Variants in MYH13 observed in about 807,000 individuals in gnomAD.
MYH13 encodes the protein myosin-13.
In MYH13, 177 loss-of-function variants were observed where a neutral mutation model predicts 232.1. The ratio of observed to expected loss-of-function variants is 0.76; its 90% CI spans 0.67 to 0.86. The LOEUF is 0.86. Among genes scored for constraint, MYH13 ranks in the 40% least tolerant of loss-of-function variants. The pLI, the probability that MYH13 is intolerant of heterozygous loss-of-function variation, is 0.00. For synonymous variants in MYH13, 884 were observed against 923.5 expected, an observed-to-expected ratio of 0.96 and a Z score of 0.78; for missense variants, 2,246 against 2,405.9, an observed-to-expected ratio of 0.93 and a Z score of 1.39.
rs962928542 is a variant in MYH13, at chr17:10,340,578, G to A, written c.1895-177C>T. Among the ~76,000 whole-genome samples, 3 of 152,098 alleles carry A rather than the reference G, an allele frequency of 2.0e-5. 1 individual carries two copies. Among genetic ancestry groups the A allele is most frequent in the Admixed American group, 2.0e-4 (3 of 15,266 alleles). The stretch of plus-strand genomic sequence containing the variant: ...CTGTTGTCCAGGCTGGAGTGCAATG[G>A]CACCATCTCAACTCACTGCAACCTC... On this transcript the variant is annotated intron_variant, in intron 16 of 40. Coordinates refer to ENST00000252172, the MANE Select transcript of MYH13 (RefSeq NM_003802.3).
At chr17:10,327,837 T>C in intron 22 of MYH13, 29 bp downstream of exon 22, 1 of 1,598,962 alleles carries the variant, frequency 6.3e-7, no homozygotes, top group South Asian at 1.1e-5. Context: ...AGAGTCTGTG[T>C]TTTGCGTTCT....
At chr17:10,367,371 T>C (rs1167683968) in intron 2 of MYH13, among the ~76,000 whole-genome samples, 1 of 152,210 alleles carries the variant, frequency 6.6e-6, no homozygotes, top group Non-Finnish European at 1.5e-5. Flanking sequence ...TTTATTGAGA[T>C]GGAGTCTCAA....
chr17:10,354,436 G>A (rs2071732942), intron 11 of MYH13, among the ~76,000 whole-genome samples: 1 of 152,184 alleles, frequency 6.6e-6, no homozygotes, highest in South Asian at 2.1e-4. Context: ...TAAAATGTTA[G>A]AGAACAGAAC....
chr17:10,344,620 A>G (rs577814420), intron 15 of MYH13, among the ~76,000 whole-genome samples: 2 of 151,948 alleles, frequency 1.3e-5, no homozygotes, highest in Non-Finnish European at 2.9e-5. Context: ...GTTTGAGACC[A>G]GCCTGGCCAA....
intron 29 of MYH13, among the ~76,000 whole-genome samples, chr17:10,313,716 G>C (rs1906602692): frequency 6.6e-6 from 1 of 152,064 alleles, no homozygotes; most frequent in Admixed American, 6.6e-5. Context: ...TTCTTAATAG[G>C]GTAAATAAGC....
At chr17:10,325,454 T>C (rs1361904579) in intron 22 of MYH13, among the ~76,000 whole-genome samples, 1 of 152,148 alleles carries the variant, frequency 6.6e-6, no homozygotes, top group Non-Finnish European at 1.5e-5. Context: ...GTTGGGATTA[T>C]AGGCATGAGC....
intron 16 of MYH13, 58 bp from the exon 17 acceptor site, chr17:10,340,459 T>C (rs1039621837): frequency 7.2e-7 from 1 of 1,388,460 alleles, no homozygotes; most frequent in Non-Finnish European, 1.0e-6. Context: ...AGCAGTGGGC[T>C]TCCTGAACCA....
In MYH13 at chr17:10,309,537, G is replaced by A. The variant is rs371037408; in HGVS notation, c.4950C>T (p.Val1650=). The A allele has an allele frequency of 3.1e-6, 5 of 1,610,232 alleles. No homozygotes were observed. The African/African-American group carries it at 6.7e-5, about 22-fold the overall frequency. ...CCGTGCTCACCTTGAGCTGGCCCTG[G>A]ACCGTGCGCAGATGCTTCTGGGTCT... The part of the protein sequence containing the change: ...MAETQKHLRT[V]QGQLKDSQLH... Residue 1650 remains valine, a synonymous_variant, in exon 34 of 41, where the codon GTC becomes GTT. Transcript: ENST00000252172.
At chr17:10,361,317 G>A (rs555703177) in intron 5 of MYH13, among the ~76,000 whole-genome samples, 1 of 147,876 alleles carries the variant, frequency 6.8e-6, no homozygotes, top group East Asian at 2.0e-4. Context: ...TTGAGACGGA[G>A]TTTTGCTCTT....
chr17:10,304,462 G>C lies in MYH13; in HGVS notation c.5467-964C>G, dbSNP rs542059600. 1.3e-5 allele frequency among the ~76,000 whole-genome samples: 2 copies of C among 152,216 alleles called. No individual in the cohort carries two copies. Among genetic ancestry groups the C allele is most frequent in the Non-Finnish European group, 2.9e-5 (2 of 68,042 alleles). On this transcript the variant is annotated intron_variant, in intron 37 of 40. Coordinates refer to ENST00000252172, the MANE Select transcript of MYH13 (RefSeq NM_003802.3). The surrounding 1 kb of genome is among the most constrained non-coding windows in gnomAD (Gnocchi z 5.3). ...ATGCTCCCTTTTGTGGAGCCAGGTC[G>C]TTTGGCAAGGGCAGCAAAAGCTAAC...
chr17:10,310,466 C>T (rs927236845), intron 33 of MYH13, among the ~76,000 whole-genome samples: 2 of 152,162 alleles, frequency 1.3e-5, no homozygotes, highest in African/African-American at 4.8e-5. Context: ...ATTTGGCTTG[C>T]TCCCAAATAT....
chr17:10,308,330 A>C (rs1314738755), intron 35 of MYH13, among the ~76,000 whole-genome samples: 1 of 148,444 alleles, frequency 6.7e-6, no homozygotes, highest in Non-Finnish European at 1.5e-5. Flanking sequence ...TCTGTCTCAA[A>C]AAAAAAAAAA....
rs551449704 is a variant in MYH13 at position 10,372,897 on chromosome 17, G to T, written c.-64+82C>A. The T allele has an allele frequency of 3.3e-5, 5 of 152,226 alleles. No homozygotes were observed. In the South Asian group the frequency reaches 1.0e-3, roughly 32 times the overall value. 9.4% of individuals were successfully genotyped at this position (152,226 alleles called of 1,614,324 possible). On this transcript the variant is annotated intron_variant, in intron 1 of 40. Transcript: ENST00000252172. Reference sequence around the variant, plus strand: ...GGCCCTCCGTAAAGGCTACTTTATTGTCTTCCCCCCTTGACTGGTAACCTG... The same window carrying T: ...GGCCCTCCGTAAAGGCTACTTTATTTTCTTCCCCCCTTGACTGGTAACCTG...
chr17:10,320,266 TAAAG>T (rs778708007), intron 25 of MYH13, 23 bp from the exon 26 acceptor site: 5 of 1,594,110 alleles, frequency 3.1e-6, no homozygotes, highest in African/African-American at 1.4e-5. Flanking sequence ...TAAAAAAAAA[TAAAG>T]AACATGAAAT....
At chr17:10,344,913 TG>T (rs2071650573) in intron 15 of MYH13, among the ~76,000 whole-genome samples, 1 of 151,948 alleles carries the variant, frequency 6.6e-6, no homozygotes, top group Non-Finnish European at 1.5e-5. Context: ...TCCGCCTCCT[TG>T]GGTCTTTGGG....
intron 7 of MYH13, among the ~76,000 whole-genome samples, chr17:10,359,752 C>T (rs9910361): frequency 6.6e-6 from 1 of 152,126 alleles, no homozygotes; most frequent in East Asian, 1.9e-4. Context: ...CAGTTGGTGT[C>T]TGCAGAGAAT....
chr17:10,369,245 A>T (rs2071861300), intron 2 of MYH13, among the ~76,000 whole-genome samples: 1 of 152,212 alleles, frequency 6.6e-6, no homozygotes. Flanking sequence ...ATTTGTAAAA[A>T]ATATAAAAAA....
At position 10,311,098 on chromosome 17, in the gene MYH13, C is replaced by T. The variant is rs1231625182; in HGVS notation, c.4656+5G>A. 3.1e-6 allele frequency: 5 copies of T among 1,613,904 alleles called. No individual in the cohort carries two copies. Among genetic ancestry groups the T allele is most frequent in the Non-Finnish European group, 4.2e-6 (5 of 1,179,844 alleles). The stretch of plus-strand genomic sequence containing the variant: ...ATTTCTGAATGTCATATCCTAGACA[C>T]TTACCTCCACTTCTTCTAAGGCGAC... On this transcript the variant is annotated splice_donor_5th_base_variant and intron_variant, in intron 33 of 40. Transcript: ENST00000252172.
Position 10,350,652 on chromosome 17 carries a change from C to G in MYH13, c.1048G>C (p.Gly350Arg). ...ILGFSSEEKVGIYKLTGAVMH... is the reference protein window; with the variant it reads ...ILGFSSEEKVRIYKLTGAVMH... Reference sequence around the variant, plus strand: ...ACGGCTCCCGTCAGTTTGTAGATCCCGACTTTCTCCTCTGAGCTGAAGCCC... The same window carrying G: ...ACGGCTCCCGTCAGTTTGTAGATCCGGACTTTCTCCTCTGAGCTGAAGCCC... The change falls in exon 12 of 41, where the codon GGG becomes CGG. Residue 350 changes from glycine to arginine, a missense_variant. Coordinates refer to ENST00000252172, the MANE Select transcript of MYH13 (RefSeq NM_003802.3). The G allele has an allele frequency of 6.2e-7, 1 of 1,613,710 alleles. No individual in the cohort carries two copies. Among genetic ancestry groups the G allele is most frequent in the Non-Finnish European group, 8.5e-7 (1 of 1,179,926 alleles).
Sources: allele counts gnomAD v4.1 joint callset (sites outside exome capture counted in the v4.1 genomes callset), GRCh38; gene constraint gnomAD v4.1.1; non-coding constraint Gnocchi (gnomAD v3.1); transcripts MANE v1.5; gene names NCBI Gene and HGNC (gene_info 2026-07-23, HGNC 2026-07-21).